The following HTT variants were observed in gnomAD, a reference collection of about 807,000 sequenced individuals.
HTT encodes the protein huntington disease protein.
HTT carries 104 observed loss-of-function variants against 362.3 expected under a neutral mutation model. That is an observed-to-expected ratio of 0.29 (90% CI 0.24 to 0.34). The LOEUF (loss-of-function observed/expected upper bound fraction) is 0.34, where lower values mean the gene tolerates loss of function less well. Among genes scored for constraint, HTT ranks in the 10% least tolerant of loss-of-function variants. The probability of loss-of-function intolerance (pLI) is 1.00; values close to 1 mark genes in which losing one functional copy is unlikely to be tolerated. For missense variants in HTT, 3,301 were observed against 3,928.6 expected (o/e 0.84, Z 4.27); for synonymous variants, 1,577 against 1,548.7 (o/e 1.02, Z -0.43).
At position 3,074,979 on chromosome 4, in the gene HTT, C is replaced by T; in HGVS notation, c.154C>T (p.Pro52Ser). The T allele has an allele frequency of 2.8e-6, 4 of 1,430,872 alleles. No homozygotes were observed. In the South Asian group the frequency reaches 5.1e-5, roughly 18 times the overall value. 88.6% of individuals were successfully genotyped at this position (1,430,872 alleles called of 1,614,324 possible). The change falls in exon 1 of 67, where the codon CCT becomes TCT. Residue 52 changes from proline to serine, a missense_variant. Physicochemically the swap from Pro to Ser is moderately conservative, Grantham distance 74. This residue lies in a region of HTT where 2,316 missense variants were observed against 2,658.5 expected (regional missense o/e 0.87). Coordinates refer to ENST00000355072, the MANE Select transcript of HTT (RefSeq NM_001388492.1). The part of the protein sequence containing the change: ...PPPPPPPPQL[P>S]QPPPQAQPLL... ...GCCGCCGCCGCCGCCTCCTCAGCTT[C>T]CTCAGCCGCCGCCGCAGGCACAGCC...
chr4:3,152,297 A>G (rs1716934789), intron 26 of HTT, among the ~76,000 whole-genome samples: 1 of 151,976 alleles, frequency 6.6e-6, no homozygotes, highest in Admixed American at 6.6e-5. Flanking sequence ...ACGGGGTTTC[A>G]CCATGTTGGC....
At chr4:3,169,620 C>G (rs1026245535) in intron 29 of HTT, among the ~76,000 whole-genome samples, 33 of 151,980 alleles carry the variant, frequency 2.2e-4, no homozygotes, top group African/African-American at 7.7e-4. Context: ...GTTGCCCAGG[C>G]TGGAGTTTAG....
chr4:3,155,751 A>G (rs979139758), intron 27 of HTT, among the ~76,000 whole-genome samples: 62 of 146,970 alleles, frequency 4.2e-4, no homozygotes, highest in Middle Eastern at 3.5e-3. Context: ...AAAAAAAAAA[A>G]GCCGGGCATG....
At chr4:3,082,029 T>G (rs1712939437) in intron 1 of HTT, among the ~76,000 whole-genome samples, 1 of 150,806 alleles carries the variant, frequency 6.6e-6, no homozygotes, top group Admixed American at 6.6e-5. Context: ...AAAGTGTTTC[T>G]TGTGTCTTCT....
chr4:3,161,084 C>T (rs1717417080), intron 29 of HTT, among the ~76,000 whole-genome samples: 1 of 152,076 alleles, frequency 6.6e-6, no homozygotes, highest in African/African-American at 2.4e-5. Context: ...CCCCTCACTC[C>T]CCATGGGCCC....
At chr4:3,109,560 AT>A (rs1013175449) in intron 6 of HTT, among the ~76,000 whole-genome samples, 65 of 147,932 alleles carry the variant, frequency 4.4e-4, no homozygotes, top group Admixed American at 8.8e-4. Context: ...TTCTACTGCT[AT>A]TTTTTTTTTC....
chr4:3,173,153 C>T, intron 31 of HTT, 22 bp downstream of exon 31: 9 of 1,591,510 alleles, frequency 5.7e-6, no homozygotes, highest in Non-Finnish European at 7.8e-6. Context: ...GGCAAGAATG[C>T]TGTCGTTGGT....
chr4:3,175,029 G>A lies in HTT; in HGVS notation c.4329G>A (p.Gln1443=). The change falls in exon 33 of 67, where the codon CAG becomes CAA. Residue 1443 remains glutamine (Q), a synonymous_variant. Transcript: ENST00000355072. The part of the protein sequence containing the change: ...LKQYTTTTCV[Q]LQKQVLDLLA... ...AGTACACGACTACAACATGTGTGCAGTTACAGAAGCAGGTTTTAGATTTGC... is the reference window on the plus strand; with the variant it reads ...AGTACACGACTACAACATGTGTGCAATTACAGAAGCAGGTTTTAGATTTGC... 1 of 1,613,952 alleles carries A rather than the reference G, an allele frequency of 6.2e-7. No individual in the cohort carries two copies.
intron 29 of HTT, among the ~76,000 whole-genome samples, chr4:3,168,751 G>A (rs1379547209): frequency 1.3e-5 from 2 of 152,256 alleles, no homozygotes; most frequent in Admixed American, 6.5e-5. Context: ...AGTGGCATGC[G>A]TCTGTGGTCC....
At position 3,220,281 on chromosome 4, in the gene HTT, G is replaced by A; in HGVS notation, c.7342G>A (p.Glu2448Lys). The change falls in exon 53 of 67, where the codon GAG becomes AAG. Residue 2448 changes from glutamate to lysine, a missense_variant. This residue lies in a region of HTT where 753 missense variants were observed against 1,021.3 expected (regional missense o/e 0.74). Coordinates refer to ENST00000355072, the MANE Select transcript of HTT (RefSeq NM_001388492.1). ...EFLQEKEVFKEFIYRINTLGW... is the reference protein window; with the variant it reads ...EFLQEKEVFKKFIYRINTLGW... ...CCTCCAGGAAAAGGAAGTCTTTAAG[G>A]AGTTCATCTACCGCATCAACACACT... 1.2e-6 allele frequency: 2 copies of A among 1,614,146 alleles called. No homozygotes were observed. The highest frequency in any genetic ancestry group is 1.7e-6 in the Non-Finnish European group (2 of 1,180,000).
chr4:3,144,767 C>T (rs1716519365), intron 23 of HTT, among the ~76,000 whole-genome samples: 1 of 152,146 alleles, frequency 6.6e-6, no homozygotes, highest in Non-Finnish European at 1.5e-5. Context: ...CTGTGTCGGG[C>T]ACTGTTGTAG....
chr4:3,142,935 T>A, intron 23 of HTT, 49 bp downstream of exon 23: 3 of 1,538,618 alleles, frequency 1.9e-6, no homozygotes, highest in Non-Finnish European at 2.7e-6. Flanking sequence ...TAGTTTTTGG[T>A]AGCTTGTATG....
chr4:3,089,460 A>G (rs942689828), intron 2 of HTT, among the ~76,000 whole-genome samples: 3 of 152,262 alleles, frequency 2.0e-5, no homozygotes, highest in Non-Finnish European at 4.4e-5. Flanking sequence ...TCACCGTGTT[A>G]GCCAGGATGG....
At chr4:3,104,199 C>A (rs1158823470) in intron 4 of HTT, among the ~76,000 whole-genome samples, 2 of 151,922 alleles carry the variant, frequency 1.3e-5, no homozygotes, top group South Asian at 4.1e-4. Flanking sequence ...CCGGGTTCAA[C>A]CGAACTTTGG....
chr4:3,187,936 A>T, intron 39 of HTT, 50 bp downstream of exon 39: 1 of 1,120,474 alleles, frequency 8.9e-7, no homozygotes. Flanking sequence ...TTGGGAAGTC[A>T]CGTGATGTTT....
intron 24 of HTT, among the ~76,000 whole-genome samples, chr4:3,145,646 A>T (rs985954505): frequency 2.0e-5 from 3 of 152,238 alleles, no homozygotes; most frequent in Admixed American, 2.0e-4. Context: ...CTTTTATTTA[A>T]AAATGATTTT....
In HTT at chr4:3,217,923, G is replaced by T; in HGVS notation, c.7213G>T (p.Val2405Phe). ...IIISLARLPL[V>F]NSYTRVPPLV... is the part of the protein sequence containing the mutation. Reference sequence around the variant, plus strand: ...CATCAGCCTGGCCCGCCTGCCCCTTGTCAACAGCTACACACGTGTGCCCCC... The same window carrying T: ...CATCAGCCTGGCCCGCCTGCCCCTTTTCAACAGCTACACACGTGTGCCCCC... The change falls in exon 52 of 67, where the codon GTC (valine) becomes TTC (phenylalanine). Residue 2405 changes from valine to phenylalanine, a missense_variant. Val to Phe is a conservative substitution (Grantham distance 50, BLOSUM62 -1). This residue lies in a region of HTT where 753 missense variants were observed against 1,021.3 expected (regional missense o/e 0.74). Transcript: ENST00000355072. The T allele has an allele frequency of 6.2e-7, 1 of 1,613,132 alleles. No homozygotes were observed. Among genetic ancestry groups the T allele is most frequent in the South Asian group, 1.1e-5 (1 of 90,940 alleles).
rs1348737317 is a variant in HTT at position 3,218,183 on chromosome 4, C to A, written c.7242+231C>A. Among the ~76,000 whole-genome samples, 1 of 152,216 alleles carries A rather than the reference C, an allele frequency of 6.6e-6. No individual in the cohort carries two copies. The highest frequency in any genetic ancestry group is 1.5e-5 in the Non-Finnish European group (1 of 68,034). On this transcript the variant is annotated intron_variant, in intron 52 of 66. Transcript: ENST00000355072. The surrounding 1 kb of genome is among the most constrained non-coding windows in gnomAD (Gnocchi z 4.4). The stretch of plus-strand genomic sequence containing the variant: ...TAAAATGAACTGAGGCCCTACATCC[C>A]TAAGAGATTAGTGTTAGACCTGATT...
rs1721485201 is a variant in HTT at position 3,235,510 on chromosome 4, A to T, written c.8572-55A>T. ...TTTGACTTGGTCGGGAGGAGGCATG[A>T]ACACCTGAGACTGTGCAGCGATTCT... On this transcript the variant is annotated intron_variant, in intron 62 of 66. Coordinates refer to ENST00000355072, the MANE Select transcript of HTT (RefSeq NM_001388492.1). 3 of 1,574,246 alleles carry T rather than the reference A, an allele frequency of 1.9e-6. No individual in the cohort carries two copies. In the South Asian group the frequency reaches 3.3e-5, roughly 17 times the overall value.
Sources: allele counts gnomAD v4.1 joint callset (sites outside exome capture counted in the v4.1 genomes callset), GRCh38; gene constraint gnomAD v4.1.1; regional missense constraint gnomAD v4.1.1; non-coding constraint Gnocchi (gnomAD v3.1); transcripts MANE v1.5; gene names NCBI Gene and HGNC (gene_info 2026-07-23, HGNC 2026-07-21).